The following CCNL2 variants were observed in gnomAD, a reference collection of about 807,000 sequenced individuals.
CCNL2 encodes the protein cyclin-L2.
In CCNL2, 28 loss-of-function variants were observed where a neutral mutation model predicts 59.1. That is an observed-to-expected ratio of 0.47 (90% CI 0.35 to 0.65). The LOEUF (loss-of-function observed/expected upper bound fraction) is 0.65. Among genes scored for constraint, CCNL2 ranks in the 30% least tolerant of loss-of-function variants. The pLI, the probability that CCNL2 is intolerant of heterozygous loss-of-function variation, is 0.00. For synonymous variants in CCNL2, 342 were observed against 288.6 expected (o/e 1.19, Z -1.88); for missense variants, 714 against 717.4 (o/e 1.00, Z 0.05).
chr1:1,387,513 G>A lies in CCNL2; in HGVS notation c.1281C>T (p.Ser427=). 6.4e-7 allele frequency: 1 copy of A among 1,567,090 alleles called. No homozygotes were observed. The highest frequency in any genetic ancestry group is 8.6e-7 in the Non-Finnish European group (1 of 1,158,430). ...CGCTGCGGGGGGCCTGTCTCGGTGG[G>A]GAGTCACTCCTGCTCCGGGAGCGGC... ...SQSRSRSRSD[S]PPRQAPRSAP... Residue 427 remains serine, a synonymous_variant, in exon 11 of 11, where the codon TCC becomes TCT. Transcript: ENST00000400809.
chr1:1,398,529 G>C (rs374517129), intron 2 of CCNL2, 68 bp downstream of exon 2: 31 of 1,587,242 alleles, frequency 2.0e-5, no homozygotes, highest in South Asian at 3.3e-5. Flanking sequence ...TTAGTAACCG[G>C]GCAAAGTAAC....
rs1645223365 is a variant in CCNL2, at chr1:1,399,082, G to A, written c.225C>T (p.Thr75=). ...GCTCGCAGCCCACCACGCGGAGGTC[G>A]GTCTCTGTGTCGGTGTCGAGGCCGC... is the stretch of plus-strand genomic sequence containing the variant. ...MSSGLDTDTE[T]DLRVVGCELI... is the part of the protein sequence containing the mutation. The change falls in exon 1 of 11, where the codon ACC becomes ACT. Residue 75 remains threonine, a synonymous_variant. Coordinates refer to ENST00000400809, the MANE Select transcript of CCNL2 (RefSeq NM_030937.6). 3 of 1,611,448 alleles carry A rather than the reference G, an allele frequency of 1.9e-6. No individual in the cohort carries two copies. The highest frequency in any genetic ancestry group is 1.7e-5 in the Admixed American group (1 of 59,968).
chr1:1,390,721 A>C, intron 6 of CCNL2, 45 bp downstream of exon 6: 1 of 1,583,632 alleles, frequency 6.3e-7, no homozygotes. Context: ...AGGCTGGAGA[A>C]AAAAAAATCA....
chr1:1,390,414 G>A (rs376253977), intron 7 of CCNL2, 43 bp from the exon 8 acceptor site: 1 of 1,610,912 alleles, frequency 6.2e-7, no homozygotes, highest in Non-Finnish European at 8.5e-7. Context: ...AGGTGTTTCT[G>A]GCCAAACACA....
intron 4 of CCNL2, 61 bp from the exon 5 acceptor site, chr1:1,393,521 T>C (rs1644855086): frequency 7.0e-7 from 1 of 1,436,004 alleles, no homozygotes. Flanking sequence ...ATTCAGATCT[T>C]GTGGGTGTCC....
intron 3 of CCNL2, among the ~76,000 whole-genome samples, chr1:1,396,546 G>T (rs1488478083): frequency 3.4e-5 from 5 of 146,376 alleles, no homozygotes; most frequent in African/African-American, 1.3e-4. Flanking sequence ...GACTATAGGC[G>T]TGAGCCACTG....
chr1:1,398,155 T>C (rs954095661), intron 3 of CCNL2, 78 bp downstream of exon 3: 37 of 1,393,546 alleles, frequency 2.7e-5, no homozygotes, highest in Non-Finnish European at 2.9e-5. Context: ...TATTGTGTTA[T>C]ACAAGCCTTA....
In CCNL2 at chr1:1,398,274, G is replaced by A. The variant is rs760897519; in HGVS notation, c.432C>T (p.Val144=). The change falls in exon 3 of 11, where the codon GTC becomes GTT. Residue 144 remains valine, a synonymous_variant. Transcript: ENST00000400809. ...IEEAPRRIRD[V]INVFHRLRQL... is the part of the protein sequence containing the mutation. Reference sequence around the variant, plus strand: ...GTCGAAGGCGGTGAAACACATTGATGACGTCCCGTATGCGTCTTGGGGCCT... The same window carrying A: ...GTCGAAGGCGGTGAAACACATTGATAACGTCCCGTATGCGTCTTGGGGCCT... 6.8e-6 allele frequency: 11 copies of A among 1,614,116 alleles called. No individual in the cohort carries two copies. The highest frequency in any genetic ancestry group is 9.3e-6 in the Non-Finnish European group (11 of 1,180,054).
intron 3 of CCNL2, 157 bp from the exon 4 acceptor site, chr1:1,395,671 TC>T: frequency 9.7e-7 from 1 of 1,030,602 alleles, no homozygotes; most frequent in Non-Finnish European, 1.4e-6. Context: ...TGCACACCGC[TC>T]CCCACAGCCC....
intron 8 of CCNL2, chr1:1,389,395 T>A (rs907564057): frequency 6.6e-6 from 1 of 152,354 alleles, no homozygotes; most frequent in Non-Finnish European, 1.5e-5. Context: ...GACAGGCCCT[T>A]TGCATCACAC....
rs759093167 is a variant in CCNL2 at position 1,387,349 on chromosome 1, T to C, written c.1445A>G (p.Lys482Arg). 6 of 1,614,200 alleles carry C rather than the reference T, an allele frequency of 3.7e-6. No individual in the cohort carries two copies. The highest frequency in any genetic ancestry group is 1.6e-4 in the Middle Eastern group (1 of 6,062). Reference protein sequence around the residue: ...RSRERADNPGKYKKKSHYYRD... With the variant: ...RSRERADNPGRYKKKSHYYRD... The stretch of plus-strand genomic sequence containing the variant: ...GTAGTAATGACTTTTCTTCTTGTAT[T>C]TTCCCGGATTATCCGCCCGCTCCCG... Residue 482 changes from lysine to arginine, a missense_variant, in exon 11 of 11, where the codon AAA becomes AGA. Coordinates refer to ENST00000400809, the MANE Select transcript of CCNL2 (RefSeq NM_030937.6).
Position 1,399,027 on chromosome 1 carries a change from G to A in CCNL2, c.280C>T (p.Leu94=), listed in dbSNP as rs766939185. 2 of 1,576,788 alleles carry A rather than the reference G, an allele frequency of 1.3e-6. No individual in the cohort carries two copies. The highest frequency in any genetic ancestry group is 1.4e-5 in the African/African-American group (1 of 72,450). The change falls in exon 1 of 11, where the codon CTG becomes TTG. Residue 94 remains leucine, a synonymous_variant. Coordinates refer to ENST00000400809, the MANE Select transcript of CCNL2 (RefSeq NM_030937.6). ...LIQAAGILLR[L]PQVAMATGQV... is the part of the protein sequence containing the mutation. ...CGCGGCCGCGCCCTCACCTGCGGCA[G>A]GCGGAGCAGGATACCGGCCGCCTGG...
intron 6 of CCNL2, 46 bp from the exon 7 acceptor site, chr1:1,390,609 G>T (rs192467977): frequency 3.9e-6 from 6 of 1,540,528 alleles, no homozygotes; most frequent in Non-Finnish European, 5.4e-6. Flanking sequence ...TCAACTTCAC[G>T]GCCAGCAAGA....
intron 8 of CCNL2, chr1:1,388,847 G>A (rs538207182): frequency 1.2e-4 from 44 of 379,678 alleles, no homozygotes; most frequent in Admixed American, 8.9e-4. Context: ...AGGCCAAGGC[G>A]GGCAGATCAA....
At chr1:1,393,016 T>G in intron 5 of CCNL2, 1 of 618,598 alleles carries the variant, frequency 1.6e-6, no homozygotes, top group Non-Finnish European at 2.9e-6. Context: ...CCCCAGAACC[T>G]TCTCTGCCCC....
rs1645164095 is a variant in CCNL2, at chr1:1,398,341, T to C, written c.365A>G (p.His122Arg). 4 of 1,613,842 alleles carry C rather than the reference T, an allele frequency of 2.5e-6. No homozygotes were observed. Among genetic ancestry groups the C allele is most frequent in the African/African-American group, 2.7e-5 (2 of 74,894 alleles). The change falls in exon 3 of 11, where the codon CAT becomes CGT. Residue 122 changes from histidine (H) to arginine (R), a missense_variant and splice_region_variant. Transcript: ENST00000400809. ...TKSFVKHSME[H>R]VSMACVHLAS... ...CAGGTGGACACAGGCCATTGACACA[T>C]GCTGAAGCGGAAGCATTGCAACACG...
At chr1:1,391,277 G>A (rs1461653537) in intron 5 of CCNL2, 2 of 1,135,042 alleles carry the variant, frequency 1.8e-6, no homozygotes, top group African/African-American at 1.6e-5. Context: ...AAAATCCATA[G>A]TGCAGAGAAA....
chr1:1,398,503 G>A, intron 2 of CCNL2, 94 bp downstream of exon 2: 2 of 1,570,434 alleles, frequency 1.3e-6, no homozygotes, highest in East Asian at 2.2e-5. Context: ...AGACTGGGGG[G>A]CAAGTACTCA....
At position 1,390,571 on chromosome 1, in the gene CCNL2, A is replaced by G; in HGVS notation, c.760-8T>C. On this transcript the variant is annotated splice_polypyrimidine_tract_variant and splice_region_variant and intron_variant, in intron 6 of 10. Transcript: ENST00000400809. ...ACGATTGGGCAAAGGGATCTGTAAAAACAAACACTATCATCATTACACTTT... is the reference window on the plus strand; with the variant it reads ...ACGATTGGGCAAAGGGATCTGTAAAGACAAACACTATCATCATTACACTTT... 6.2e-7 allele frequency: 1 copy of G among 1,601,972 alleles called. No individual in the cohort carries two copies. Among genetic ancestry groups the G allele is most frequent in the South Asian group, 1.1e-5 (1 of 90,370 alleles).
Sources: allele counts gnomAD v4.1 joint callset (sites outside exome capture counted in the v4.1 genomes callset), GRCh38; gene constraint gnomAD v4.1.1; transcripts MANE v1.5; gene names NCBI Gene and HGNC (gene_info 2026-07-23, HGNC 2026-07-21).